Variants in RAB11B observed in about 807,000 individuals in gnomAD.
RAB11B encodes ras-related protein Rab-11B.
In RAB11B, 7 loss-of-function variants were observed where a neutral mutation model predicts 23.7. The ratio of observed to expected loss-of-function variants is 0.29; its 90% CI spans 0.17 to 0.55. The LOEUF (loss-of-function observed/expected upper bound fraction) is 0.55, where lower values mean the gene tolerates loss of function less well. RAB11B is among the 20% of genes least tolerant of loss of function. The pLI, the probability that RAB11B is intolerant of heterozygous loss-of-function variation, is 0.93. For synonymous variants in RAB11B, 138 were observed against 132.0 expected (o/e 1.05, Z -0.31); for missense variants, 189 against 320.0 (o/e 0.59, Z 3.12).
In RAB11B at chr19:8,396,795, G is replaced by A. The variant is rs1449988210; in HGVS notation, c.41-3068G>A. On this transcript the variant is annotated intron_variant, in intron 1 of 4. Coordinates refer to ENST00000328024, the MANE Select transcript of RAB11B (RefSeq NM_004218.4). The surrounding 1 kb of genome is among the most constrained non-coding windows in gnomAD (Gnocchi z 5.0). Reference sequence around the variant, plus strand: ...TTCCCCTGCGGAAGGTGGGGGCCACGGAGGGTTGTCTGCAGAGGAGGGAGG... The same window carrying A: ...TTCCCCTGCGGAAGGTGGGGGCCACAGAGGGTTGTCTGCAGAGGAGGGAGG... Among the ~76,000 whole-genome samples, 1 of 152,012 alleles carries A rather than the reference G, an allele frequency of 6.6e-6. No individual in the cohort carries two copies.
chr19:8,400,154 AG>A, intron 2 of RAB11B, 96 bp downstream of exon 2: 2 of 1,399,842 alleles, frequency 1.4e-6, no homozygotes, highest in South Asian at 1.3e-5. Flanking sequence ...GGGCAGGAGA[AG>A]GGGAGAGTGT....
At chr19:8,390,536 G>C in intron 1 of RAB11B, 80 bp downstream of exon 1, 1 of 1,343,920 alleles carries the variant, frequency 7.4e-7, no homozygotes, top group Non-Finnish European at 9.6e-7. Flanking sequence ...GCTCCAGGCC[G>C]CTGGGCCCAG....
In RAB11B at chr19:8,396,898, G is replaced by A. The variant is rs1216136161; in HGVS notation, c.41-2965G>A. 6.6e-6 allele frequency among the ~76,000 whole-genome samples: 1 copy of A among 152,228 alleles called. No individual in the cohort carries two copies. The highest frequency in any genetic ancestry group is 1.5e-5 in the Non-Finnish European group (1 of 68,048). ...GACAGCGTTTTGGTTGGTGATGAGC[G>A]TGAACACAGGGACCGCACAGACAAT... On this transcript the variant is annotated intron_variant, in intron 1 of 4. Transcript: ENST00000328024. This position sits in a 1 kb window ranked among gnomAD's most constrained non-coding sequence, Gnocchi z 5.0.
At chr19:8,394,599 A>G (rs1379688068) in intron 1 of RAB11B, among the ~76,000 whole-genome samples, 4 of 152,218 alleles carry the variant, frequency 2.6e-5, no homozygotes, top group Admixed American at 6.5e-5. Flanking sequence ...GAGGCCTGCA[A>G]AGCACTGGGG....
rs189423671 is a variant in RAB11B, at chr19:8,402,572, G to C, written c.511+7G>C. On this transcript the variant is annotated splice_region_variant and intron_variant, in intron 4 of 4. Coordinates refer to ENST00000328024, the MANE Select transcript of RAB11B (RefSeq NM_004218.4). ...TTCAAGAACATCCTCACAGGTGGCC[G>C]GGGACCAGATGGGTGTGGGTAGGGC... The C allele has an allele frequency of 1.2e-6, 2 of 1,608,042 alleles. No homozygotes were observed. The highest frequency in any genetic ancestry group is 1.7e-6 in the Non-Finnish European group (2 of 1,174,660).
Position 8,403,891 on chromosome 19 carries a change from T to G in RAB11B, c.*333T>G. 8 of 230,740 alleles carry G rather than the reference T, an allele frequency of 3.5e-5. No homozygotes were observed. The highest frequency in any genetic ancestry group is 5.7e-5 in the Admixed American group (1 of 17,498). The allele number at this position is 230,740 out of a possible 1,614,324, so 14.3% of individuals were successfully genotyped here. On this transcript the variant is annotated 3_prime_UTR_variant, in exon 5 of 5. Transcript: ENST00000328024. The stretch of plus-strand genomic sequence containing the variant: ...TTCTCCCCTTTTCCTTGGCCGACTC[T>G]AGGGAGCGATTGCCTCCCTCCCTCC...
In RAB11B at chr19:8,396,117, C is replaced by T. The variant is rs1458035037; in HGVS notation, c.41-3746C>T. Among the ~76,000 whole-genome samples the T allele has an allele frequency of 6.6e-6, 1 of 152,216 alleles. No individual in the cohort carries two copies. Among genetic ancestry groups the T allele is most frequent in the African/African-American group, 2.4e-5 (1 of 41,452 alleles). ...TCTGCGAAGTAACGCACATCAAGAG[C>T]TTTGTTAGCACAAGCTCATCGAATA... On this transcript the variant is annotated intron_variant, in intron 1 of 4. Transcript: ENST00000328024. The surrounding 1 kb of genome is among the most constrained non-coding windows in gnomAD (Gnocchi z 5.0).
intron 1 of RAB11B, among the ~76,000 whole-genome samples, chr19:8,395,118 G>A (rs979361622): frequency 6.6e-6 from 1 of 152,142 alleles, no homozygotes; most frequent in African/African-American, 2.4e-5. Flanking sequence ...TAGCTGCCGT[G>A]GAAAGGAGGT....
intron 2 of RAB11B, among the ~76,000 whole-genome samples, chr19:8,400,976 T>TG (rs1177336449): frequency 8.7e-5 from 13 of 148,876 alleles, no homozygotes; most frequent in African/African-American, 3.0e-4. Context: ...ACTGCCCCCT[T>TG]GACCTCCCAG....
intron 4 of RAB11B, 148 bp from the exon 5 acceptor site, chr19:8,403,265 T>G (rs1599689109): frequency 1.0e-6 from 1 of 977,436 alleles, no homozygotes; most frequent in Admixed American, 2.7e-5. Context: ...CCTGGCTGGG[T>G]GCGCAGCCCC....
At chr19:8,392,514 C>T (rs1235810665) in intron 1 of RAB11B, among the ~76,000 whole-genome samples, 3 of 152,002 alleles carry the variant, frequency 2.0e-5, no homozygotes, top group East Asian at 3.9e-4. Flanking sequence ...CCTCCTTTTA[C>T]TGAGTCTAGC....
chr19:8,402,210 C>G lies in RAB11B; in HGVS notation c.361C>G (p.Leu121Val). ...DHADSNIVIMLVGNKSDLRHL... is the reference protein window; with the variant it reads ...DHADSNIVIMVVGNKSDLRHL... ...CGCAGACAGCAACATCGTCATCATG[C>G]TGGTGGGCAACAAGAGTGACCTGCG... Residue 121 changes from leucine (L) to valine (V), a missense_variant, in exon 3 of 5, where the codon CTG becomes GTG. By Grantham distance (32) the Leu-to-Val change is conservative. This residue lies in a region of RAB11B where 122 missense variants were observed against 170.8 expected (regional missense o/e 0.71). Coordinates refer to ENST00000328024, the MANE Select transcript of RAB11B (RefSeq NM_004218.4). The G allele has an allele frequency of 6.3e-7, 1 of 1,582,808 alleles. No individual in the cohort carries two copies. The highest frequency in any genetic ancestry group is 8.6e-7 in the Non-Finnish European group (1 of 1,164,618).
intron 1 of RAB11B, among the ~76,000 whole-genome samples, chr19:8,398,868 A>G (rs889996506): frequency 1.3e-5 from 2 of 151,408 alleles, no homozygotes; most frequent in Non-Finnish European, 2.9e-5. Flanking sequence ...TGCAGCCTCC[A>G]CCTCCTGGGC....
Position 8,404,161 on chromosome 19 carries a change from G to A in RAB11B, c.*603G>A, listed in dbSNP as rs1971462340. 1 of 150,540 alleles carries A rather than the reference G, an allele frequency of 6.6e-6. No homozygotes were observed. Among genetic ancestry groups the A allele is most frequent in the Non-Finnish European group, 1.5e-5 (1 of 67,654 alleles). 9.3% of individuals were successfully genotyped at this position (150,540 alleles called of 1,614,324 possible). A position where few individuals can be genotyped will look rare whatever the true frequency, so the allele number is the denominator to read the frequency against. ...CTCCTGCACGCAACGCGCCCTCTCG[G>A]CCCTCCCTGTCCCCCTCCTCTGTCT... On this transcript the variant is annotated 3_prime_UTR_variant, in exon 5 of 5. Coordinates refer to ENST00000328024, the MANE Select transcript of RAB11B (RefSeq NM_004218.4).
intron 1 of RAB11B, among the ~76,000 whole-genome samples, chr19:8,399,316 G>T (rs1599687133): frequency 6.6e-6 from 1 of 152,138 alleles, no homozygotes. Context: ...TCGAACTCCC[G>T]ACCTCAAGTG....
Position 8,402,031 on chromosome 19 carries a change from C to T in RAB11B, c.237-55C>T, listed in dbSNP as rs1971441578. On this transcript the variant is annotated intron_variant, in intron 2 of 4. Transcript: ENST00000328024. ...TGATGTGTGCTGTTATCCCGTGAGG[C>T]TGCCGCTGCCCATGGTTGTCCTCCA... is the stretch of plus-strand genomic sequence containing the variant. 5.4e-6 allele frequency: 8 copies of T among 1,493,462 alleles called. No individual in the cohort carries two copies. In the South Asian group the frequency reaches 9.1e-5, roughly 17 times the overall value. 92.5% of individuals were successfully genotyped at this position (1,493,462 alleles called of 1,614,324 possible).
rs1971442100 is a variant in RAB11B at position 8,402,078 on chromosome 19, C to T, written c.237-8C>T. 2 of 1,578,824 alleles carry T rather than the reference C, an allele frequency of 1.3e-6. No individual in the cohort carries two copies. The highest frequency in any genetic ancestry group is 1.7e-6 in the Non-Finnish European group (2 of 1,161,508). ...TCCAGAGAGGCTCATGGGCCCCTGA[C>T]CCTGCAGGTACTACCGTGGTGCAGT... On this transcript the variant is annotated splice_polypyrimidine_tract_variant and splice_region_variant and intron_variant, in intron 2 of 4. Coordinates refer to ENST00000328024, the MANE Select transcript of RAB11B (RefSeq NM_004218.4).
intron 1 of RAB11B, among the ~76,000 whole-genome samples, chr19:8,398,332 G>A (rs560453177): frequency 5.9e-5 from 9 of 152,330 alleles, no homozygotes; most frequent in Non-Finnish European, 8.8e-5. Flanking sequence ...TCCACGCTGC[G>A]CTGACTCCTT....
chr19:8,394,797 G>T (rs755910771), intron 1 of RAB11B, among the ~76,000 whole-genome samples: 4 of 152,198 alleles, frequency 2.6e-5, no homozygotes, highest in Admixed American at 2.6e-4. Flanking sequence ...GGGCGTCGTG[G>T]TGCACGCCTA....
Sources: allele counts gnomAD v4.1 joint callset (sites outside exome capture counted in the v4.1 genomes callset), GRCh38; gene constraint gnomAD v4.1.1; regional missense constraint gnomAD v4.1.1; non-coding constraint Gnocchi (gnomAD v3.1); transcripts MANE v1.5; gene names NCBI Gene and HGNC (gene_info 2026-07-23, HGNC 2026-07-21).